ZFHX3: variants seen among roughly 807,000 people sequenced by gnomAD.
ZFHX3 encodes the protein zinc finger homeobox 3, also known as zinc finger homeobox protein 3.
Under a neutral mutation model 279.1 loss-of-function variants are expected in ZFHX3, and 42 were observed. The observed-to-expected ratio is 0.15, with a 90% confidence interval of 0.12 to 0.19. The LOEUF is 0.19. ZFHX3 is among the 10% of genes least tolerant of loss of function. The pLI is 1.00. For missense variants in ZFHX3, 4,981 were observed against 4,754.0 expected (o/e 1.05, Z -1.40); for synonymous variants, 2,293 against 1,957.8 (o/e 1.17, Z -4.52).
chr16:72,908,371 A>G (rs1330404484), intron 3 of ZFHX3, among the ~76,000 whole-genome samples: 1 of 152,240 alleles, frequency 6.6e-6, no homozygotes, highest in African/African-American at 2.4e-5. Context: ...GAAAATCAGT[A>G]TGAATGAACT....
chr16:73,131,089 C>A (rs1342896649), exon 7 of ZFHX3: 1 of 809,714 alleles, frequency 1.2e-6, no homozygotes, highest in Non-Finnish European at 1.9e-6. Flanking sequence ...GTCTCAGCTT[C>A]TCTATCTGTA....
At position 73,435,086 on chromosome 16, in the gene ZFHX3, C is replaced by G. The variant is rs545430684; in HGVS notation, c.-1291+20917G>C. The stretch of plus-strand genomic sequence containing the variant: ...TTGAACTGGCTGGCTGGCTGGCTGG[C>G]TGGCATTGTGTTCAGCTTTCAGGTG... On this transcript the variant is annotated intron_variant, in intron 3 of 17. Coordinates refer to the ZFHX3 transcript ENST00000641206. Among the ~76,000 whole-genome samples, 451 of 152,264 alleles carry G rather than the reference C, an allele frequency of 3.0e-3. 5 individuals are homozygous for G. Among genetic ancestry groups the G allele is most frequent in the Non-Finnish European group, 2.3e-3 (155 of 68,020 alleles).
intron 3 of ZFHX3, among the ~76,000 whole-genome samples, chr16:73,352,546 C>T (rs1008786190): frequency 1.5e-5 from 2 of 130,430 alleles, no homozygotes; most frequent in Non-Finnish European, 1.6e-5. Context: ...CAGGCAAGAT[C>T]ACGACTCACT....
At chr16:73,180,376 G>A (rs1352546266) in intron 5 of ZFHX3, among the ~76,000 whole-genome samples, 1 of 151,988 alleles carries the variant, frequency 6.6e-6, no homozygotes, top group Non-Finnish European at 1.5e-5. Context: ...CTGAAGTTTG[G>A]TCTAGACTCA....
chr16:73,703,492 CAAA>C (rs559259813), intron 1 of ZFHX3, among the ~76,000 whole-genome samples: 2 of 142,140 alleles, frequency 1.4e-5, no homozygotes, highest in East Asian at 4.1e-4. Flanking sequence ...AAGAGAAAGC[CAAA>C]AAAAAAAAAT....
intron 3 of ZFHX3, among the ~76,000 whole-genome samples, chr16:72,921,178 T>G (rs1488244429): frequency 6.6e-6 from 1 of 151,606 alleles, no homozygotes; most frequent in East Asian, 1.9e-4. Flanking sequence ...AGCTCATTTC[T>G]GAATTACAGA....
chr16:73,835,408 C>T (rs1459981787), intron 1 of ZFHX3, among the ~76,000 whole-genome samples: 2 of 151,206 alleles, frequency 1.3e-5, no homozygotes, highest in Non-Finnish European at 2.9e-5. Context: ...CCCCACCTTT[C>T]CCCACCATCC....
At chr16:72,869,825 A>G (rs1447991059) in intron 4 of ZFHX3, among the ~76,000 whole-genome samples, 2 of 152,250 alleles carry the variant, frequency 1.3e-5, no homozygotes, top group African/African-American at 4.8e-5. Context: ...AAAGGGAAAA[A>G]TAGTAACTTC....
chr16:73,500,778 G>A (rs199501176), intron 2 of ZFHX3, among the ~76,000 whole-genome samples: 1 of 94,616 alleles, frequency 1.1e-5, no homozygotes, highest in African/African-American at 4.2e-5. Flanking sequence ...TTTAAGCTGT[G>A]TTATTCCAAA....
rs1189356295 is a variant in ZFHX3 at position 73,491,865 on chromosome 16, G to A, written c.-1546-35607C>T. Among the ~76,000 whole-genome samples the A allele has an allele frequency of 2.0e-5, 3 of 152,174 alleles. No homozygotes were observed. The South Asian group carries it at 6.2e-4, about 32-fold the overall frequency. On this transcript the variant is annotated intron_variant, in intron 2 of 17. Transcript: ENST00000641206. ...CAAATCAGACACCCATCTCAACTGT[G>A]AATCGTCAGTGTTGTTGGCCCAAAT...
rs749457488 is a variant in ZFHX3 at position 72,957,797 on chromosome 16, TGCCGCCGCCGCCGCAGCCACC to T, written c.2328_2348del (p.Val777_Ala783del). The T allele has an allele frequency of 7.2e-4, 1,155 of 1,608,126 alleles. 5 individuals are homozygous for T. Among genetic ancestry groups the T allele is most frequent in the Non-Finnish European group, 8.2e-4 (960 of 1,177,580 alleles). On this transcript the variant is annotated inframe_deletion, in exon 2 of 10. Coordinates refer to ENST00000268489, the MANE Select transcript of ZFHX3 (RefSeq NM_006885.4). ...CCCCGCAGGAGCTACTGATATTGGC[TGCCGCCGCCGCCGCAGCCACC>T]GCCGCCGCCGCCGCCCCGGCAGTGT...
At chr16:73,420,742 G>A (rs12924196) in intron 3 of ZFHX3, 51,306 of 152,086 alleles carry the variant, frequency 0.34, 10,565 homozygotes, top group Non-Finnish European at 0.47. Context: ...AATATGTTTC[G>A]GGAAAGGTCA....
Position 72,787,030 on chromosome 16 carries a change from CTTTTTTTTCTTT to C in ZFHX3, c.*122_*133del. On this transcript the variant is annotated 3_prime_UTR_variant, in exon 10 of 10. Coordinates refer to ENST00000268489, the MANE Select transcript of ZFHX3 (RefSeq NM_006885.4). ...TATGGGAAAACAACCCACGCTTTTT[CTTTTTTTTCTTT>C]TTTTTTTTTTTTTTGTTTTTTGGTT... 1 of 967,006 alleles carries C rather than the reference CTTTTTTTTCTTT, an allele frequency of 1.0e-6. No homozygotes were observed. Among genetic ancestry groups the C allele is most frequent in the Non-Finnish European group, 1.3e-6 (1 of 763,434 alleles). 59.9% of individuals were successfully genotyped at this position (967,006 alleles called of 1,614,324 possible). A position where few individuals can be genotyped will look rare whatever the true frequency, so the allele number is the denominator to read the frequency against.
chr16:73,649,521 G>A (rs2052651335), intron 2 of ZFHX3, among the ~76,000 whole-genome samples: 1 of 151,958 alleles, frequency 6.6e-6, no homozygotes, highest in South Asian at 2.1e-4. Flanking sequence ...GGTATTCTCT[G>A]GTCTCTTGGT....
At chr16:73,651,660 C>G (rs1369201668) in intron 2 of ZFHX3, among the ~76,000 whole-genome samples, 2 of 108,512 alleles carry the variant, frequency 1.8e-5, no homozygotes, top group Admixed American at 2.8e-4. Flanking sequence ...CATGGTGAAA[C>G]CCCATCTCTA....
intron 3 of ZFHX3, among the ~76,000 whole-genome samples, chr16:73,319,664 C>G (rs769087298): frequency 1.3e-5 from 2 of 152,152 alleles, no homozygotes; most frequent in African/African-American, 2.4e-5. Flanking sequence ...CATTCAAAGT[C>G]CTCATCAAGT....
intron 2 of ZFHX3, among the ~76,000 whole-genome samples, chr16:73,481,328 C>CAAA (rs71374570): frequency 7.2e-6 from 1 of 139,002 alleles, no homozygotes; most frequent in Non-Finnish European, 1.5e-5. Flanking sequence ...GACTCCATCT[C>CAAA]AAAAAAAAAA....
At chr16:72,901,378 G>C (rs1204656840) in intron 3 of ZFHX3, among the ~76,000 whole-genome samples, 1 of 152,192 alleles carries the variant, frequency 6.6e-6, no homozygotes. Context: ...GGCTCCTCTT[G>C]AGTTCCTACT....
intron 2 of ZFHX3, among the ~76,000 whole-genome samples, chr16:73,600,914 C>T (rs543249315): frequency 3.3e-5 from 5 of 152,090 alleles, no homozygotes; most frequent in African/African-American, 9.6e-5. Flanking sequence ...GATCCACAAG[C>T]TATTCTTTAC....
Sources: allele counts gnomAD v4.1 joint callset (sites outside exome capture counted in the v4.1 genomes callset), GRCh38; gene constraint gnomAD v4.1.1; transcripts MANE v1.5; gene names NCBI Gene and HGNC (gene_info 2026-07-23, HGNC 2026-07-21).